TENM3: variants seen among roughly 807,000 people sequenced by gnomAD.
TENM3 encodes the protein teneurin-3.
Under a neutral mutation model 255.1 loss-of-function variants are expected in TENM3, and 63 were observed. The observed-to-expected ratio is 0.25, with a 90% CI of 0.20 to 0.30. TENM3 has a LOEUF of 0.30. Ranked by LOEUF, TENM3 falls within the 10% of genes least tolerant of loss-of-function variation. The pLI, the probability that TENM3 is intolerant of heterozygous loss-of-function variation, is 1.00. For synonymous variants in TENM3, 1,306 were observed against 1,322.3 expected (o/e 0.99, Z 0.27); for missense variants, 2,929 against 3,461.1 (o/e 0.85, Z 3.86).
chr4:182,335,457 C>T (rs34653995), intron 2 of TENM3, among the ~76,000 whole-genome samples: 2,359 of 110,574 alleles, frequency 0.021, 26 homozygotes, highest in Middle Eastern at 0.031. Context: ...ATCGCGCCAC[C>T]GCACTCCAGC....
the TENM3 span, among the ~76,000 whole-genome samples, chr4:181,743,979 A>C: frequency 6.6e-6 from 1 of 151,558 alleles, no homozygotes; most frequent in Non-Finnish European, 1.5e-5. Flanking sequence ...CCCTCCCCTC[A>C]CCCAACCCCG....
the TENM3 span, among the ~76,000 whole-genome samples, chr4:182,018,652 T>C: frequency 5.9e-5 from 9 of 152,202 alleles, no homozygotes; most frequent in Non-Finnish European, 1.3e-4. Context: ...AAAGTGATCT[T>C]TCCTTTCAGA....
chr4:182,436,377 G>T (rs1772048514), intron 3 of TENM3, among the ~76,000 whole-genome samples: 1 of 152,206 alleles, frequency 6.6e-6, no homozygotes, highest in African/African-American at 2.4e-5. Context: ...CTCACCAGCT[G>T]CCCTGTGAGA....
Position 182,313,780 on chromosome 4 carries a change from G to T in TENM3, c.-75-10166G>T, listed in dbSNP as rs559666025. On this transcript the variant is annotated intron_variant, in intron 1 of 27. Coordinates refer to ENST00000511685, the MANE Select transcript of TENM3 (RefSeq NM_001080477.4). ...TTCACTCAGCTGCTCAAGCCAGAAA[G>T]TTGGTATCATTCTCAACTCTTTTCT... Among the ~76,000 whole-genome samples the T allele has an allele frequency of 2.0e-5, 3 of 152,244 alleles. No individual in the cohort carries two copies. The South Asian group carries it at 6.2e-4, about 32-fold the overall frequency.
the TENM3 span, among the ~76,000 whole-genome samples, chr4:181,693,516 T>C: frequency 1.3e-5 from 2 of 152,214 alleles, no homozygotes; most frequent in Non-Finnish European, 2.9e-5. Flanking sequence ...AGTGCAGTTA[T>C]GTAGTCCCCT....
chr4:181,572,292 C>T, the TENM3 span, among the ~76,000 whole-genome samples: 1 of 152,068 alleles, frequency 6.6e-6, no homozygotes, highest in African/African-American at 2.4e-5. Context: ...TACAGGGGCT[C>T]AGGGAGAAAA....
At chr4:182,414,379 A>G (rs541327540) in intron 3 of TENM3, among the ~76,000 whole-genome samples, 1 of 152,280 alleles carries the variant, frequency 6.6e-6, no homozygotes, top group Non-Finnish European at 1.5e-5. Context: ...CTTTAAATCT[A>G]TTTGGAAGGG....
At chr4:182,727,397 A>G (rs1329103871) in intron 13 of TENM3, among the ~76,000 whole-genome samples, 1 of 151,134 alleles carries the variant, frequency 6.6e-6, no homozygotes, top group African/African-American at 2.4e-5. Flanking sequence ...CGGAGGTTGC[A>G]GTGAGCTGAG....
intron 24 of TENM3, among the ~76,000 whole-genome samples, chr4:182,785,028 C>G (rs1042938165): frequency 6.6e-6 from 1 of 152,170 alleles, no homozygotes; most frequent in African/African-American, 2.4e-5. Flanking sequence ...GTCTCTCATG[C>G]TGGGAGCTGT....
the TENM3 span, among the ~76,000 whole-genome samples, chr4:181,514,655 A>G: frequency 6.6e-6 from 1 of 152,200 alleles, no homozygotes; most frequent in Admixed American, 6.5e-5. Flanking sequence ...TCTGGTCAAA[A>G]TGGCAGCTGT....
intron 1 of TENM3, among the ~76,000 whole-genome samples, chr4:182,209,922 A>T (rs1754885817): frequency 6.6e-6 from 1 of 151,844 alleles, no homozygotes; most frequent in Non-Finnish European, 1.5e-5. Flanking sequence ...TAACTCATTC[A>T]TGTCTCAGTC....
chr4:182,230,832 A>ATC (rs1360226159), intron 1 of TENM3, among the ~76,000 whole-genome samples: 1 of 109,470 alleles, frequency 9.1e-6, no homozygotes, highest in Non-Finnish European at 2.0e-5. Context: ...ATATATATAT[A>ATC]TATATATATA....
chr4:182,770,805 G>A (rs146449294), intron 22 of TENM3, among the ~76,000 whole-genome samples: 1 of 152,206 alleles, frequency 6.6e-6, no homozygotes, highest in Non-Finnish European at 1.5e-5. Flanking sequence ...CGGAAAGGCT[G>A]TTCTGAAACT....
chr4:181,701,971 C>T, the TENM3 span, among the ~76,000 whole-genome samples: 4 of 152,280 alleles, frequency 2.6e-5, no homozygotes, highest in South Asian at 8.3e-4. Context: ...TTGCCATTAG[C>T]ACAGGATCTG....
chr4:182,602,464 G>C (rs554377017), intron 4 of TENM3, among the ~76,000 whole-genome samples: 1 of 152,316 alleles, frequency 6.6e-6, no homozygotes, highest in South Asian at 2.1e-4. Flanking sequence ...ATTCTGCCTT[G>C]AGGATGAGCT....
At chr4:182,116,444 T>A in the TENM3 span, among the ~76,000 whole-genome samples, 1 of 152,144 alleles carries the variant, frequency 6.6e-6, no homozygotes, top group African/African-American at 2.4e-5. Flanking sequence ...AGTGATTTGA[T>A]CATGGGGGTG....
the TENM3 span, among the ~76,000 whole-genome samples, chr4:181,460,902 T>C: frequency 6.6e-6 from 1 of 151,964 alleles, no homozygotes; most frequent in African/African-American, 2.4e-5. Flanking sequence ...AAGAGTCAGT[T>C]ATCTTATAAA....
chr4:182,140,382 G>A (rs992918208), upstream of TENM3, among the ~76,000 whole-genome samples: 5 of 152,242 alleles, frequency 3.3e-5, no homozygotes, highest in African/African-American at 1.2e-4. Context: ...CCTGAGGGGT[G>A]AGCTGGAAGG....
At chr4:182,774,254 A>G (rs1331531810) in intron 23 of TENM3, among the ~76,000 whole-genome samples, 1 of 152,104 alleles carries the variant, frequency 6.6e-6, no homozygotes, top group East Asian at 1.9e-4. Flanking sequence ...TCTGTATTCA[A>G]CTTTTTGACT....
Sources: gnomAD v4.1 joint callset for allele counts (sites outside exome capture counted in the v4.1 genomes callset) on GRCh38, gnomAD v4.1.1 for gene constraint, MANE v1.5 for transcripts, NCBI Gene and HGNC (gene_info 2026-07-23, HGNC 2026-07-21) for gene names.